The following CADPS2 variants were observed in gnomAD, a reference collection of about 807,000 sequenced individuals.
CADPS2 encodes calcium-dependent secretion activator 2.
CADPS2 carries 93 observed loss-of-function variants against 172.5 expected under a neutral mutation model. The ratio of observed to expected loss-of-function variants is 0.54; its 90% CI spans 0.46 to 0.64. CADPS2 has a LOEUF of 0.64. Ranked by LOEUF, CADPS2 falls within the 30% of genes least tolerant of loss-of-function variation. The pLI is 0.00. For synonymous variants in CADPS2, 546 were observed against 555.2 expected (o/e 0.98, Z 0.23); for missense variants, 1,420 against 1,565.9 (o/e 0.91, Z 1.57).
chr7:122,567,736 T>C (rs897372519), intron 7 of CADPS2, among the ~76,000 whole-genome samples: 3 of 152,134 alleles, frequency 2.0e-5, no homozygotes, highest in African/African-American at 7.2e-5. Flanking sequence ...AAATATACAT[T>C]AAATGTTATA....
chr7:122,604,692 C>T (rs2073263861), intron 6 of CADPS2, among the ~76,000 whole-genome samples: 1 of 152,120 alleles, frequency 6.6e-6, no homozygotes, highest in Non-Finnish European at 1.5e-5. Flanking sequence ...AATTTACCTT[C>T]TTCACTCATT....
At chr7:122,832,537 AAAT>A (rs1189666120) in intron 1 of CADPS2, among the ~76,000 whole-genome samples, 5 of 152,194 alleles carry the variant, frequency 3.3e-5, no homozygotes, top group Non-Finnish European at 4.4e-5. Context: ...CATCTGCATT[AAAT>A]AATGGTAGAA....
chr7:122,784,790 G>A (rs1208873489), intron 1 of CADPS2, among the ~76,000 whole-genome samples: 1 of 151,972 alleles, frequency 6.6e-6, no homozygotes, highest in African/African-American at 2.4e-5. Flanking sequence ...TCTGGACATG[G>A]GTCTTTTCTC....
intron 14 of CADPS2, among the ~76,000 whole-genome samples, chr7:122,454,472 A>G (rs1477618528): frequency 1.3e-5 from 2 of 152,166 alleles, no homozygotes; most frequent in Non-Finnish European, 2.9e-5. Context: ...TAGAAACCCA[A>G]TGAAACCATG....
At chr7:122,358,722 G>A (rs924259644) in intron 27 of CADPS2, among the ~76,000 whole-genome samples, 3 of 151,964 alleles carry the variant, frequency 2.0e-5, no homozygotes, top group East Asian at 1.9e-4. Context: ...AAAGAATAAC[G>A]GCCAACAAGA....
intron 19 of CADPS2, chr7:122,409,681 C>T: frequency 2.1e-6 from 1 of 469,470 alleles, no homozygotes; most frequent in South Asian, 1.6e-5. Context: ...ATGAAAGCAA[C>T]AGTTGCAGTT....
chr7:122,584,800 T>C (rs1247381550), intron 6 of CADPS2, among the ~76,000 whole-genome samples: 1 of 152,026 alleles, frequency 6.6e-6, no homozygotes, highest in Admixed American at 6.6e-5. Flanking sequence ...TCTCTATATA[T>C]ATCTTTTCCT....
chr7:122,785,666 G>C (rs920213737), intron 1 of CADPS2, among the ~76,000 whole-genome samples: 2 of 152,092 alleles, frequency 1.3e-5, no homozygotes, highest in African/African-American at 4.8e-5. Context: ...TCTACCCATT[G>C]AGGTCCTTTC....
chr7:122,744,308 T>C (rs995978639), intron 1 of CADPS2, among the ~76,000 whole-genome samples: 1 of 152,154 alleles, frequency 6.6e-6, no homozygotes, highest in Non-Finnish European at 1.5e-5. Context: ...ACCACCTACC[T>C]CCCAACTTCC....
chr7:122,424,993 T>G (rs2048973703), intron 17 of CADPS2, among the ~76,000 whole-genome samples: 1 of 152,118 alleles, frequency 6.6e-6, no homozygotes, highest in Non-Finnish European at 1.5e-5. Flanking sequence ...AAAAAATTAT[T>G]TTTTTGGACA....
chr7:122,802,261 A>G lies in CADPS2; in HGVS notation c.340-65193T>C, dbSNP rs78066721. Among the ~76,000 whole-genome samples, 890 of 152,312 alleles carry G rather than the reference A, an allele frequency of 5.8e-3. 8 individuals are homozygous for G. Among genetic ancestry groups the G allele is most frequent in the African/African-American group, 0.021 (854 of 41,572 alleles). ...GCTCAGCTCTTAAAAACTGACATGCATTTACAATTCATTTTCAATGAGAAA... is the reference window on the plus strand; with the variant it reads ...GCTCAGCTCTTAAAAACTGACATGCGTTTACAATTCATTTTCAATGAGAAA... On this transcript the variant is annotated intron_variant, in intron 1 of 29. Coordinates refer to ENST00000449022, the MANE Select transcript of CADPS2 (RefSeq NM_017954.11).
chr7:122,698,946 C>A (rs1208056759), intron 2 of CADPS2: 1 of 1,503,282 alleles, frequency 6.7e-7, no homozygotes, highest in Non-Finnish European at 8.9e-7. Flanking sequence ...GACTTAAGAA[C>A]CAACCTAACA....
chr7:122,464,937 A>T (rs2054940775), intron 14 of CADPS2, among the ~76,000 whole-genome samples: 1 of 152,212 alleles, frequency 6.6e-6, no homozygotes, highest in African/African-American at 2.4e-5. Context: ...TGACAAATGT[A>T]TGACAATAAC....
At chr7:122,755,752 T>G (rs1044330527) in intron 1 of CADPS2, among the ~76,000 whole-genome samples, 3 of 151,622 alleles carry the variant, frequency 2.0e-5, no homozygotes, top group East Asian at 3.9e-4. Context: ...GGGAAACTGA[T>G]AAGATATTTC....
At chr7:122,698,585 A>G (rs369124530) in intron 2 of CADPS2, 7 of 1,614,056 alleles carry the variant, frequency 4.3e-6, no homozygotes, top group South Asian at 3.3e-5. Flanking sequence ...TTCTGTGTGA[A>G]GGTACAACCT....
At chr7:122,703,646 G>A (rs951913973) in intron 2 of CADPS2, among the ~76,000 whole-genome samples, 1 of 152,176 alleles carries the variant, frequency 6.6e-6, no homozygotes, top group East Asian at 1.9e-4. Flanking sequence ...CCAAGGACAA[G>A]AGAAACACAC....
intron 8 of CADPS2, among the ~76,000 whole-genome samples, chr7:122,548,524 A>G (rs915687686): frequency 1.3e-5 from 2 of 152,220 alleles, no homozygotes; most frequent in South Asian, 2.1e-4. Flanking sequence ...ACAAATTTTA[A>G]TATCACAACT....
intron 25 of CADPS2, among the ~76,000 whole-genome samples, chr7:122,364,595 C>T (rs2040608425): frequency 6.6e-6 from 1 of 151,508 alleles, no homozygotes; most frequent in Non-Finnish European, 1.5e-5. Context: ...GGTGTGGTGG[C>T]AGGTGCCTAT....
chr7:122,414,138 A>T, intron 18 of CADPS2, 62 bp from the exon 19 acceptor site: 1 of 1,313,036 alleles, frequency 7.6e-7, no homozygotes, highest in Non-Finnish European at 1.0e-6. Context: ...GTGTTACAAA[A>T]CATCTTTAAA....
Sources: gnomAD v4.1 joint callset for allele counts (sites outside exome capture counted in the v4.1 genomes callset) on GRCh38, gnomAD v4.1.1 for gene constraint, MANE v1.5 for transcripts, NCBI Gene and HGNC (gene_info 2026-07-23, HGNC 2026-07-21) for gene names.